Variants in JAKMIP3 observed in about 807,000 individuals in gnomAD.
JAKMIP3 encodes Janus kinase and microtubule interacting protein 3.
Under a neutral mutation model 118.5 loss-of-function variants are expected in JAKMIP3, and 58 were observed. The ratio of observed to expected loss-of-function variants is 0.49; its 90% CI spans 0.40 to 0.61. The LOEUF is 0.61. Ranked by LOEUF, JAKMIP3 falls within the 20% of genes least tolerant of loss-of-function variation. The probability of loss-of-function intolerance (pLI) is 0.00; values close to 1 mark genes in which losing one functional copy is unlikely to be tolerated. For missense variants in JAKMIP3, 950 were observed against 1,109.0 expected (o/e 0.86, Z 2.04); for synonymous variants, 486 against 451.2 (o/e 1.08, Z -0.98).
chr10:132,170,076 G>A (rs1304421175), intron 23 of JAKMIP3: 1 of 152,318 alleles, frequency 6.6e-6, no homozygotes, highest in Non-Finnish European at 1.5e-5. Context: ...AGGAGCGGGA[G>A]ACCAGCAGTC....
At chr10:132,169,860 G>A (rs1024022787) in intron 23 of JAKMIP3, 1 of 152,542 alleles carries the variant, frequency 6.6e-6, no homozygotes, top group African/African-American at 2.4e-5. Context: ...ACTCAGGAGG[G>A]GTCCGCAGCG....
chr10:132,139,250 A>G (rs3077804), intron 9 of JAKMIP3, among the ~76,000 whole-genome samples: 34,567 of 71,946 alleles, frequency 0.48, 6,131 homozygotes, highest in East Asian at 0.7. Flanking sequence ...CTGTGTGTGT[A>G]TGTGTGTGTG....
At chr10:132,100,525 AC>A (rs1443148840) in intron 1 of JAKMIP3, among the ~76,000 whole-genome samples, 1 of 152,026 alleles carries the variant, frequency 6.6e-6, no homozygotes, top group Non-Finnish European at 1.5e-5. Context: ...GATTCTCTGC[AC>A]CCTGGTTCCT....
intron 21 of JAKMIP3, 27 bp downstream of exon 21, chr10:132,164,762 G>T (rs759600272): frequency 3.9e-6 from 6 of 1,532,670 alleles, no homozygotes; most frequent in Non-Finnish European, 5.4e-6. Flanking sequence ...TTTGGGGGTT[G>T]CTTGTTAAGA....
chr10:132,135,651 C>G (rs1327262928), intron 5 of JAKMIP3, among the ~76,000 whole-genome samples: 3 of 152,232 alleles, frequency 2.0e-5, no homozygotes, highest in African/African-American at 7.2e-5. Flanking sequence ...GGGACTCACC[C>G]CCGGGGACGC....
At chr10:132,155,695 C>T (rs1589974514) in intron 19 of JAKMIP3, among the ~76,000 whole-genome samples, 1 of 152,282 alleles carries the variant, frequency 6.6e-6, no homozygotes, top group Middle Eastern at 3.4e-3. Context: ...GGAGGCTGGC[C>T]CTGGCTAAAC....
rs575631866 is a variant in JAKMIP3 at position 132,047,065 on chromosome 10, T to C, written c.-138+10327T>C. 3.3e-5 allele frequency among the ~76,000 whole-genome samples: 5 copies of C among 152,266 alleles called. 1 individual carries two copies. In the South Asian group the frequency reaches 1.0e-3, roughly 32 times the overall value. On this transcript the variant is annotated intron_variant, in intron 1 of 23. Transcript: ENST00000657785. ...CCAGCTATTTAAAAACATTTTTTTG[T>C]GTGTGGAGACAGGTTCTCACTATGT...
At chr10:132,123,844 C>T (rs1320615496) in intron 3 of JAKMIP3, among the ~76,000 whole-genome samples, 2 of 152,230 alleles carry the variant, frequency 1.3e-5, no homozygotes. Flanking sequence ...CCTCACCGTA[C>T]AGGTGCTTGC....
At position 132,117,352 on chromosome 10, in the gene JAKMIP3, C is replaced by T. The variant is rs773065859; in HGVS notation, c.411C>T (p.Ser137=). ...AAAAGGTCAAGACCGTGCTGCTGTC[C>T]GAGGCCAAGGAGGAGGCCAAGAAGG... is the stretch of plus-strand genomic sequence containing the variant. ...GPEKVKTVLL[S]EAKEEAKKGF... The change falls in exon 3 of 24, where the codon TCC becomes TCT. Residue 137 remains serine, a synonymous_variant. Coordinates refer to ENST00000684848, the MANE Select transcript of JAKMIP3 (RefSeq NM_001323087.2). The surrounding 1 kb of genome is among the most constrained non-coding windows in gnomAD (Gnocchi z 8.6). 2.0e-5 allele frequency: 32 copies of T among 1,613,790 alleles called. No individual in the cohort carries two copies. The East Asian group carries it at 4.9e-4, about 25-fold the overall frequency.
intron 23 of JAKMIP3, among the ~76,000 whole-genome samples, chr10:132,180,678 C>T (rs796764685): frequency 0.035 from 329 of 9,536 alleles, 48 homozygotes; most frequent in African/African-American, 0.073. Context: ...TGTGTGTGCG[C>T]GCGCGTGTGT....
intron 19 of JAKMIP3, among the ~76,000 whole-genome samples, chr10:132,156,156 G>A (rs1157673580): frequency 6.6e-6 from 1 of 152,198 alleles, no homozygotes; most frequent in Non-Finnish European, 1.5e-5. Context: ...CCTTACTGGA[G>A]AGACCTTCTT....
intron 8 of JAKMIP3, 99 bp downstream of exon 8, chr10:132,137,388 A>G: frequency 1.4e-6 from 2 of 1,456,866 alleles, no homozygotes; most frequent in Non-Finnish European, 1.9e-6. Context: ...ACCAGACAGA[A>G]GCGGCCGCGG....
chr10:132,133,261 T>C, intron 3 of JAKMIP3, 51 bp from the exon 4 acceptor site: 7 of 1,439,156 alleles, frequency 4.9e-6, no homozygotes, highest in Non-Finnish European at 6.7e-6. Context: ...CTATGGTAAC[T>C]GCAGATCCGT....
At chr10:132,135,285 C>T (rs1264003795) in intron 5 of JAKMIP3, 125 bp downstream of exon 5, 5 of 948,018 alleles carry the variant, frequency 5.3e-6, no homozygotes, top group Middle Eastern at 3.4e-4. Flanking sequence ...GGCCTTGCGT[C>T]GAAGTCTCCT....
chr10:132,081,500 A>G (rs1033110311), intron 1 of JAKMIP3, among the ~76,000 whole-genome samples: 2 of 152,192 alleles, frequency 1.3e-5, no homozygotes, highest in Admixed American at 1.3e-4. Flanking sequence ...GCGACTGCTC[A>G]CATGCTGGTC....
At chr10:132,174,132 T>C (rs1170643491) in intron 23 of JAKMIP3, among the ~76,000 whole-genome samples, 1 of 152,058 alleles carries the variant, frequency 6.6e-6, no homozygotes, top group Admixed American at 6.6e-5. Context: ...CTGCAATGGC[T>C]TTCTCGGTTG....
At chr10:132,159,579 T>A (rs1181309579) in intron 19 of JAKMIP3, among the ~76,000 whole-genome samples, 2 of 119,778 alleles carry the variant, frequency 1.7e-5, no homozygotes, top group African/African-American at 3.2e-5. Flanking sequence ...CGTGTCTCCC[T>A]GTGTGATGCT....
chr10:132,047,638 C>A (rs9419322), intron 1 of JAKMIP3, among the ~76,000 whole-genome samples: 4 of 150,818 alleles, frequency 2.7e-5, no homozygotes, highest in African/African-American at 7.4e-5. Flanking sequence ...CCCACCCCCC[C>A]CTGCGAGTTG....
intron 1 of JAKMIP3, among the ~76,000 whole-genome samples, chr10:132,038,327 C>T (rs1322723887): frequency 6.6e-6 from 1 of 152,196 alleles, no homozygotes; most frequent in African/African-American, 2.4e-5. Flanking sequence ...AGCCCACGCA[C>T]AGGGCACAAC....
Sources: gnomAD v4.1 joint callset for allele counts (sites outside exome capture counted in the v4.1 genomes callset) on GRCh38, gnomAD v4.1.1 for gene constraint, Gnocchi (gnomAD v3.1) non-coding constraint, MANE v1.5 for transcripts, NCBI Gene and HGNC (gene_info 2026-07-23, HGNC 2026-07-21) for gene names.